DGKI: variants seen among roughly 807,000 people sequenced by gnomAD.
The protein encoded by DGKI is DAG kinase iota.
In DGKI, 55 loss-of-function variants were observed where a neutral mutation model predicts 147.5. The ratio of observed to expected loss-of-function variants is 0.37; its 90% CI spans 0.30 to 0.47. The LOEUF (loss-of-function observed/expected upper bound fraction) is 0.47. DGKI is among the 20% of genes least tolerant of loss of function. The pLI, the probability that DGKI is intolerant of heterozygous loss-of-function variation, is 1.00. For synonymous variants in DGKI, 469 were observed against 477.1 expected (o/e 0.98, Z 0.22); for missense variants, 1,007 against 1,323.8 (o/e 0.76, Z 3.71).
chr7:137,592,944 A>G (rs1012117281), intron 12 of DGKI, among the ~76,000 whole-genome samples: 11 of 152,204 alleles, frequency 7.2e-5, no homozygotes, highest in African/African-American at 2.7e-4. Context: ...AGAGAGGATG[A>G]AATATAACTA....
In DGKI at chr7:137,718,120, C is replaced by G. The variant is rs140424391; in HGVS notation, c.402-28118G>C. On this transcript the variant is annotated intron_variant, in intron 1 of 32. Transcript: ENST00000614521. ...CAAGAGGATTAAAACAAAAACCAGC[C>G]GGGTGGGCTGGATGGCTTGTGAGCC... is the stretch of plus-strand genomic sequence containing the variant. 2.8e-4 allele frequency among the ~76,000 whole-genome samples: 42 copies of G among 152,192 alleles called. 1 individual carries two copies. The highest frequency in any genetic ancestry group is 1.4e-3 in the Admixed American group (21 of 15,278).
chr7:137,427,728 G>A (rs898374058), intron 28 of DGKI, among the ~76,000 whole-genome samples: 3 of 152,076 alleles, frequency 2.0e-5, no homozygotes, highest in Non-Finnish European at 4.4e-5. Flanking sequence ...TATCACCACT[G>A]ATCCCACAGA....
rs542136959 is a variant in DGKI at position 137,698,382 on chromosome 7, G to A, written c.402-8380C>T. ...TCAGGGATTAAAGGAGGCAGGATTA[G>A]CAGAGTGAGAAGCTGGACTATGAGA... On this transcript the variant is annotated intron_variant, in intron 1 of 32. Coordinates refer to ENST00000614521, the MANE Select transcript of DGKI (RefSeq NM_001321708.2). Among the ~76,000 whole-genome samples the A allele has an allele frequency of 2.2e-4, 33 of 152,282 alleles. No individual in the cohort carries two copies. The East Asian group carries it at 6.2e-3, about 28-fold the overall frequency.
At chr7:137,650,407 G>C (rs1821982640) in intron 5 of DGKI, among the ~76,000 whole-genome samples, 1 of 152,156 alleles carries the variant, frequency 6.6e-6, no homozygotes, top group African/African-American at 2.4e-5. Context: ...AAGACACTTT[G>C]ATAAAGAACA....
At chr7:137,699,096 A>G (rs1000368174) in intron 1 of DGKI, among the ~76,000 whole-genome samples, 5 of 152,214 alleles carry the variant, frequency 3.3e-5, no homozygotes, top group African/African-American at 1.2e-4. Flanking sequence ...AGCAGATTCA[A>G]TGTCCGGTGA....
intron 1 of DGKI, among the ~76,000 whole-genome samples, chr7:137,804,052 A>T (rs750669543): frequency 2.6e-5 from 4 of 151,418 alleles, no homozygotes; most frequent in Non-Finnish European, 5.9e-5. Flanking sequence ...CACTGAGCAC[A>T]TGCTTTGGGA....
intron 1 of DGKI, among the ~76,000 whole-genome samples, chr7:137,735,228 T>C (rs556595031): frequency 1.3e-5 from 2 of 152,272 alleles, no homozygotes; most frequent in African/African-American, 4.8e-5. Context: ...CTTCTACCTA[T>C]ATGTTCAAAC....
chr7:137,475,739 C>T (rs528311026), intron 23 of DGKI, among the ~76,000 whole-genome samples: 1 of 152,190 alleles, frequency 6.6e-6, no homozygotes, highest in Non-Finnish European at 1.5e-5. Context: ...CTTTCTGGCT[C>T]CAATTCTTGG....
At chr7:137,640,195 C>A (rs548768760) in intron 6 of DGKI, among the ~76,000 whole-genome samples, 9 of 151,976 alleles carry the variant, frequency 5.9e-5, no homozygotes, top group Admixed American at 2.6e-4. Context: ...CCTCCCAGGA[C>A]GAATCTATAG....
chr7:137,465,992 A>G lies in DGKI; in HGVS notation c.2528T>C (p.Phe843Ser). The part of the protein sequence containing the change: ...FVMEISQDEI[F>S]ILDPDMVVSQ... The stretch of plus-strand genomic sequence containing the variant: ...CACCACCATATCTGGGTCCAGAATA[A>G]AAATCTCATCTTGGGAAATCTCCAT... The change falls in exon 26 of 33, where the codon TTT (phenylalanine) becomes TCT (serine). Residue 843 changes from phenylalanine to serine, a missense_variant. By Grantham distance (155) the Phe-to-Ser change is radical (BLOSUM62 -2). Coordinates refer to ENST00000614521, the MANE Select transcript of DGKI (RefSeq NM_001321708.2). 1 of 1,614,170 alleles carries G rather than the reference A, an allele frequency of 6.2e-7. No individual in the cohort carries two copies. The highest frequency in any genetic ancestry group is 8.5e-7 in the Non-Finnish European group (1 of 1,179,992).
chr7:137,610,976 C>T (rs146827699), intron 8 of DGKI, among the ~76,000 whole-genome samples: 2 of 152,248 alleles, frequency 1.3e-5, no homozygotes, highest in East Asian at 1.9e-4. Context: ...AAAGAGAGAT[C>T]GAGGAGCTCA....
chr7:137,417,450 G>A (rs1731972), intron 28 of DGKI, among the ~76,000 whole-genome samples: 1 of 151,954 alleles, frequency 6.6e-6, no homozygotes, highest in African/African-American at 2.4e-5. Flanking sequence ...TACCAACACA[G>A]AAAACTGGGA....
At chr7:137,818,457 T>C (rs1797801366) in intron 1 of DGKI, among the ~76,000 whole-genome samples, 1 of 152,286 alleles carries the variant, frequency 6.6e-6, no homozygotes, top group Admixed American at 6.5e-5. Flanking sequence ...GACGGAGTTT[T>C]GCTATTTTTG....
At chr7:137,535,015 C>G (rs1817470139) in intron 20 of DGKI, among the ~76,000 whole-genome samples, 1 of 152,096 alleles carries the variant, frequency 6.6e-6, no homozygotes, top group African/African-American at 2.4e-5. Flanking sequence ...GACAAGGAGA[C>G]AGGCTTCAGA....
chr7:137,408,589 G>A (rs1351057771), intron 29 of DGKI, among the ~76,000 whole-genome samples: 3 of 152,152 alleles, frequency 2.0e-5, no homozygotes, highest in Non-Finnish European at 2.9e-5. Context: ...ATCCAGATAT[G>A]CAGCCCAGCC....
At chr7:137,507,913 G>A (rs1816423810) in intron 21 of DGKI, among the ~76,000 whole-genome samples, 1 of 152,150 alleles carries the variant, frequency 6.6e-6, no homozygotes, top group Non-Finnish European at 1.5e-5. Flanking sequence ...AAGGTGGTTT[G>A]ACAAAAGGAA....
Position 137,717,139 on chromosome 7 carries a change from C to G in DGKI, c.402-27137G>C, listed in dbSNP as rs138795710. 4.6e-5 allele frequency among the ~76,000 whole-genome samples: 7 copies of G among 152,274 alleles called. No homozygotes were observed. The East Asian group carries it at 1.4e-3, about 29-fold the overall frequency. ...AGCACATAGAAGGTGGCCAATAGTA[C>G]TGGTTAATGTGAATAAAACTGCATA... On this transcript the variant is annotated intron_variant, in intron 1 of 32. Transcript: ENST00000614521.
intron 23 of DGKI, among the ~76,000 whole-genome samples, chr7:137,476,771 A>G (rs538104508): frequency 1.3e-5 from 2 of 152,274 alleles, no homozygotes; most frequent in South Asian, 4.2e-4. Flanking sequence ...TGGCCACAAT[A>G]AAGAACTGCA....
chr7:137,536,837 C>T (rs1292174569), intron 20 of DGKI, among the ~76,000 whole-genome samples: 1 of 152,030 alleles, frequency 6.6e-6, no homozygotes. Context: ...GTCACTAGAC[C>T]TCTCAGAGTG....
Sources: gnomAD v4.1 joint callset for allele counts (sites outside exome capture counted in the v4.1 genomes callset) on GRCh38, gnomAD v4.1.1 for gene constraint, MANE v1.5 for transcripts, NCBI Gene and HGNC (gene_info 2026-07-23, HGNC 2026-07-21) for gene names.